AFM: variants seen among roughly 807,000 people sequenced by gnomAD.
The protein encoded by AFM is alpha-Alb.
In AFM, 82 loss-of-function variants were observed where a neutral mutation model predicts 68.7. That is an observed-to-expected ratio of 1.19 (90% CI 1.00 to 1.43). The LOEUF (loss-of-function observed/expected upper bound fraction) is 1.43, where lower values mean the gene tolerates loss of function less well. Ranked by LOEUF, AFM falls within the 40% of genes most tolerant of loss-of-function variation. The probability of loss-of-function intolerance (pLI) is 0.00; values close to 1 mark genes in which losing one functional copy is unlikely to be tolerated. For synonymous variants in AFM, 250 were observed against 234.2 expected, an observed-to-expected ratio of 1.07 and a Z score of -0.61; for missense variants, 772 against 701.8, an observed-to-expected ratio of 1.10 and a Z score of -1.13.
intron 3 of AFM, 108 bp from the exon 4 acceptor site, chr4:73,485,754 G>A: frequency 1.2e-6 from 1 of 800,524 alleles, no homozygotes; most frequent in Non-Finnish European, 2.0e-6. Flanking sequence ...GAAAGAGAAG[G>A]AGCTCTGTTG....
At chr4:73,487,634 T>G (rs1363546658) in intron 5 of AFM, 90 bp from the exon 6 acceptor site, 9 of 873,140 alleles carry the variant, frequency 1.0e-5, no homozygotes, top group Admixed American at 2.7e-5. Context: ...TGAACAAATT[T>G]TGTAATAGTT....
intron 9 of AFM, among the ~76,000 whole-genome samples, chr4:73,497,338 C>T (rs1019169738): frequency 1.3e-5 from 2 of 152,124 alleles, no homozygotes; most frequent in Non-Finnish European, 2.9e-5. Context: ...CTTGCCACTT[C>T]AAAGTGACAA....
At position 73,481,896 on chromosome 4, in the gene AFM, T is replaced by C. The variant is rs370247366; in HGVS notation, c.88+33T>C. On this transcript the variant is annotated intron_variant, in intron 1 of 14. Transcript: ENST00000226355. ...ATTTACTTGTATATCAGCTAAAGCA[T>C]GACCAGTTAGGATAATTTCTATTTT... is the stretch of plus-strand genomic sequence containing the variant. 4.5e-5 allele frequency: 62 copies of C among 1,374,456 alleles called. No individual in the cohort carries two copies. The African/African-American group carries it at 8.6e-4, about 19-fold the overall frequency. 85.1% of individuals were successfully genotyped at this position (1,374,456 alleles called of 1,614,324 possible). A position where few individuals can be genotyped will look rare whatever the true frequency, so the allele number is the denominator to read the frequency against.
rs907622817 is a variant in AFM at position 73,486,136 on chromosome 4, T to C, written c.482+63T>C. 9 of 1,320,876 alleles carry C rather than the reference T, an allele frequency of 6.8e-6. No individual in the cohort carries two copies. The African/African-American group carries it at 1.0e-4, about 15-fold the overall frequency. 81.8% of individuals were successfully genotyped at this position (1,320,876 alleles called of 1,614,324 possible). On this transcript the variant is annotated intron_variant, in intron 4 of 14. Transcript: ENST00000226355. ...AATTAGTCTTAGGCTGAATCTAATA[T>C]CTATCTCAAATAAATATGGCTGGGT... is the stretch of plus-strand genomic sequence containing the variant.
chr4:73,486,738 G>A (rs1245318232), intron 4 of AFM, among the ~76,000 whole-genome samples: 1 of 152,170 alleles, frequency 6.6e-6, no homozygotes, highest in African/African-American at 2.4e-5. Flanking sequence ...GACTTCAAAG[G>A]ACTCTTATCG....
intron 2 of AFM, 40 bp from the exon 3 acceptor site, chr4:73,484,218 C>A: frequency 1.9e-6 from 3 of 1,569,652 alleles, no homozygotes; most frequent in Non-Finnish European, 2.6e-6. Context: ...AATGGAAACT[C>A]TGCAACTGAT....
At position 73,485,872 on chromosome 4, in the gene AFM, T is replaced by C. The variant is rs1243355074; in HGVS notation, c.281T>C (p.Leu94Ser). The change falls in exon 4 of 15, where the codon TTA (leucine) becomes TCA (serine). Residue 94 changes from leucine to serine, a missense_variant. Transcript: ENST00000226355. ...TTCTCTGTTGTATAGAATAATGTTTTACAGGAAAAAATATGTGCTATGGAG... is the reference window on the plus strand; with the variant it reads ...TTCTCTGTTGTATAGAATAATGTTTCACAGGAAAAAATATGTGCTATGGAG... ...PECSKLPNNV[L>S]QEKICAMEGL... 2 of 1,613,674 alleles carry C rather than the reference T, an allele frequency of 1.2e-6. No individual in the cohort carries two copies. Among genetic ancestry groups the C allele is most frequent in the Non-Finnish European group, 1.7e-6 (2 of 1,179,764 alleles).
At position 73,481,841 on chromosome 4, in the gene AFM, G is replaced by T; in HGVS notation, c.66G>T (p.Leu22=). The T allele has an allele frequency of 6.2e-7, 1 of 1,606,516 alleles. No individual in the cohort carries two copies. The highest frequency in any genetic ancestry group is 8.5e-7 in the Non-Finnish European group (1 of 1,176,014). Residue 22 remains leucine (L), a synonymous_variant, in exon 1 of 15, where the codon CTG becomes CTT. Coordinates refer to ENST00000226355, the MANE Select transcript of AFM (RefSeq NM_001133.2). ...TTTTTTTGACTGAATCCCTAACCCT[G>T]CCCACACAACCTCGGGATATAGGTA... ...FLFFLTESLT[L]PTQPRDIENF...
chr4:73,483,304 A>G (rs1195686908), intron 1 of AFM, among the ~76,000 whole-genome samples: 3 of 152,166 alleles, frequency 2.0e-5, no homozygotes, highest in Non-Finnish European at 2.9e-5. Flanking sequence ...AGTAACTTCT[A>G]TTAGAGAGCA....
At chr4:73,481,950 CT>C in intron 1 of AFM, 87 bp downstream of exon 1, 1 of 930,924 alleles carries the variant, frequency 1.1e-6, no homozygotes, top group Non-Finnish European at 1.6e-6. Context: ...CAAGTTAATT[CT>C]TTACTTGCTT....
intron 5 of AFM, 53 bp downstream of exon 5, chr4:73,487,152 G>A (rs1324850326): frequency 1.3e-6 from 2 of 1,588,920 alleles, no homozygotes; most frequent in Non-Finnish European, 1.7e-6. Context: ...CAATACCACA[G>A]ATCCAGACCC....
At chr4:73,503,326 C>G (rs1230154823) in intron 14 of AFM, among the ~76,000 whole-genome samples, 1 of 152,128 alleles carries the variant, frequency 6.6e-6, no homozygotes, top group Non-Finnish European at 1.5e-5. Context: ...TTGCCCTTCT[C>G]TTGCTGTTCA....
At chr4:73,503,195 C>A in intron 14 of AFM, 85 bp downstream of exon 14, 1 of 1,052,362 alleles carries the variant, frequency 9.5e-7, no homozygotes, top group South Asian at 1.4e-5. Context: ...GCTTCTTTGT[C>A]TATTTCTGGT....
intron 4 of AFM, among the ~76,000 whole-genome samples, 188 bp from the exon 5 acceptor site, chr4:73,486,779 T>C (rs1720912580): frequency 6.6e-6 from 1 of 152,152 alleles, no homozygotes; most frequent in Non-Finnish European, 1.5e-5. Flanking sequence ...TATATTGAAG[T>C]TTTCTATAAC....
chr4:73,502,099 T>C (rs938844889), intron 13 of AFM, among the ~76,000 whole-genome samples, 180 bp downstream of exon 13: 2 of 152,174 alleles, frequency 1.3e-5, no homozygotes, highest in Admixed American at 6.5e-5. Flanking sequence ...AGTGTCTCCT[T>C]AGTACAGAAA....
Position 73,487,010 on chromosome 4 carries a change from C to G in AFM, c.526C>G (p.Pro176Ala), listed in dbSNP as rs1432240301. The change falls in exon 5 of 15, where the codon CCT becomes GCT. Residue 176 changes from proline (P) to alanine (A), a missense_variant. Coordinates refer to ENST00000226355, the MANE Select transcript of AFM (RefSeq NM_001133.2). ...CAGAAGGAACCCATTTGTCTTCGCCCCTACACTTCTAACTGTTGCTGTTCA... is the reference window on the plus strand; with the variant it reads ...CAGAAGGAACCCATTTGTCTTCGCCGCTACACTTCTAACTGTTGCTGTTCA... ...VARRNPFVFA[P>A]TLLTVAVHFE... The G allele has an allele frequency of 6.2e-7, 1 of 1,613,548 alleles. No homozygotes were observed. Among genetic ancestry groups the G allele is most frequent in the East Asian group, 2.2e-5 (1 of 44,832 alleles).
intron 8 of AFM, 175 bp from the exon 9 acceptor site, chr4:73,495,125 T>C: frequency 2.1e-6 from 1 of 471,344 alleles, no homozygotes; most frequent in Non-Finnish European, 3.6e-6. Context: ...AGAGAACTTT[T>C]GTAAAATGAT....
At chr4:73,484,487 T>TTTCTTTCATTCTTTCTTTC (rs1720823109) in intron 3 of AFM, 97 bp downstream of exon 3, 1 of 765,994 alleles carries the variant, frequency 1.3e-6, no homozygotes, top group African/African-American at 1.9e-5. Flanking sequence ...TCTTTCTTTC[T>TTTCTTTCATTCTTTCTTTC]TTCTTTCTTT....
At chr4:73,502,514 T>A (rs1403545901) in intron 13 of AFM, among the ~76,000 whole-genome samples, 1 of 152,156 alleles carries the variant, frequency 6.6e-6, no homozygotes, top group African/African-American at 2.4e-5. Context: ...TTGCTCTGGT[T>A]TGAACCTCAG....
Sources: allele counts gnomAD v4.1 joint callset (sites outside exome capture counted in the v4.1 genomes callset), GRCh38; gene constraint gnomAD v4.1.1; transcripts MANE v1.5; gene names NCBI Gene and HGNC (gene_info 2026-07-23, HGNC 2026-07-21).